Variants in ZNF273 observed in about 807,000 individuals in gnomAD.
ZNF273 encodes the protein zinc finger protein 273.
ZNF273 carries 11 observed loss-of-function variants against 14.9 expected under a neutral mutation model. The observed-to-expected ratio is 0.74, with a 90% CI of 0.46 to 1.22. The LOEUF (loss-of-function observed/expected upper bound fraction) is 1.22. Ranked by LOEUF, ZNF273 falls within the 50% of genes most tolerant of loss-of-function variation. The probability of loss-of-function intolerance (pLI) is 0.00; values close to 1 mark genes in which losing one functional copy is unlikely to be tolerated. For missense variants in ZNF273, 577 were observed against 660.6 expected (o/e 0.87, Z 1.39); for synonymous variants, 199 against 223.9 (o/e 0.89, Z 0.99).
chr7:64,889,262 G>A, downstream of ZNF273: 1 of 985,088 alleles, frequency 1.0e-6, no homozygotes, highest in Non-Finnish European at 1.2e-6. This position sits in a 1 kb window ranked among gnomAD's most constrained non-coding sequence, Gnocchi z 4.2. Flanking sequence ...CCCGCAAAGG[G>A]CCGGGAGGTC....
At chr7:64,925,168 A>G (rs1794712907) in intron 3 of ZNF273, among the ~76,000 whole-genome samples, 3 of 152,074 alleles carry the variant, frequency 2.0e-5, no homozygotes, top group Middle Eastern at 3.4e-3. Flanking sequence ...AGTTAATTAT[A>G]TATATTCAAA....
chr7:64,903,938 G>T (rs1246468772), intron 1 of ZNF273, among the ~76,000 whole-genome samples: 3 of 152,190 alleles, frequency 2.0e-5, no homozygotes, highest in Non-Finnish European at 4.4e-5. Flanking sequence ...CCAATAATTG[G>T]TTAGGTACCG....
exon 2 of ZNF273, chr7:64,888,664 C>T: frequency 1.0e-6 from 1 of 985,740 alleles, no homozygotes; most frequent in South Asian, 4.7e-5. Flanking sequence ...ACCAGGGGGC[C>T]GCGTCTTCGG....
downstream of ZNF273, among the ~76,000 whole-genome samples, chr7:64,931,454 T>A (rs1794990854): frequency 6.6e-6 from 1 of 151,892 alleles, no homozygotes; most frequent in African/African-American, 2.4e-5. Context: ...ACAACAATTA[T>A]TTTTTTTATA....
intron 1 of ZNF273, among the ~76,000 whole-genome samples, chr7:64,913,867 C>T (rs905978645): frequency 6.6e-6 from 1 of 151,954 alleles, no homozygotes; most frequent in Non-Finnish European, 1.5e-5. Context: ...TGGTTATCAG[C>T]TCAGGCTTCT....
rs1037159947 is a variant in ZNF273 at position 64,921,660 on chromosome 7, C to T, written c.325+3368C>T. On this transcript the variant is annotated intron_variant, in intron 3 of 3. Transcript: ENST00000476120. ...TTTGTGTGTGAGACAGAGTCTTGCTCTCTTGCCCAGGCTGGAGTACAATGG... is the reference window on the plus strand; with the variant it reads ...TTTGTGTGTGAGACAGAGTCTTGCTTTCTTGCCCAGGCTGGAGTACAATGG... 9.6e-5 allele frequency among the ~76,000 whole-genome samples: 10 copies of T among 103,852 alleles called. No homozygotes were observed. In the East Asian group the frequency reaches 3.0e-3, roughly 32 times the overall value. The allele number at this position is 103,852 out of a possible 152,430, so 68.1% of individuals were successfully genotyped here. A position where few individuals can be genotyped will look rare whatever the true frequency, so the allele number is the denominator to read the frequency against.
At chr7:64,881,826 C>T (rs1189050733), downstream of ZNF273, among the ~76,000 whole-genome samples, 4 of 152,166 alleles carry the variant, frequency 2.6e-5, no homozygotes, top group Non-Finnish European at 5.9e-5. Flanking sequence ...CAGCCCAAAC[C>T]CTCTAGTTCT....
chr7:64,889,535 C>T (rs1245314042), downstream of ZNF273: 2 of 985,698 alleles, frequency 2.0e-6, no homozygotes, highest in Non-Finnish European at 2.4e-6. This position sits in a 1 kb window ranked among gnomAD's most constrained non-coding sequence, Gnocchi z 4.2. Context: ...CCTGGTGCCA[C>T]GCGGTCCTCT....
At chr7:64,927,568 G>C in intron 3 of ZNF273, 86 bp from the exon 4 acceptor site, 4 of 1,190,518 alleles carry the variant, frequency 3.4e-6, no homozygotes, top group Non-Finnish European at 4.7e-6. Flanking sequence ...TCCTTATGTA[G>C]TTTGTATATT....
In ZNF273 at chr7:64,909,902, T is replaced by C. The variant is rs971498165; in HGVS notation, c.102+6483T>C. 3.9e-5 allele frequency among the ~76,000 whole-genome samples: 6 copies of C among 152,298 alleles called. No individual in the cohort carries two copies. In the East Asian group the frequency reaches 7.7e-4, roughly 20 times the overall value. On this transcript the variant is annotated intron_variant, in intron 1 of 3. Transcript: ENST00000476120. The stretch of plus-strand genomic sequence containing the variant: ...AGCCATTCTGACTGGTATGAGATTG[T>C]ATCTCACTGTGGTTTTTCTTTACGT...
chr7:64,928,597 T>C lies in ZNF273; in HGVS notation c.1269T>C (p.Ile423=), dbSNP rs1384671819. 1.2e-6 allele frequency: 2 copies of C among 1,613,314 alleles called. No homozygotes were observed. The highest frequency in any genetic ancestry group is 2.2e-5 in the East Asian group (1 of 44,854). The change falls in exon 4 of 4, where the codon ATT becomes ATC. Residue 423 remains isoleucine (I), a synonymous_variant. Coordinates refer to ENST00000476120, the MANE Select transcript of ZNF273 (RefSeq NM_021148.3). ...CAACTCTTACTAAACATAAGAGAAT[T>C]TATACTAAAGAGAAACCATACAAAT... is the stretch of plus-strand genomic sequence containing the variant. ...RSTTLTKHKR[I]YTKEKPYKCE... is the part of the protein sequence containing the mutation.
At chr7:64,925,314 A>T (rs1794719514) in intron 3 of ZNF273, among the ~76,000 whole-genome samples, 1 of 151,836 alleles carries the variant, frequency 6.6e-6, no homozygotes, top group Non-Finnish European at 1.5e-5. Context: ...TTTCTTTCTT[A>T]TTTGTGTATC....
At chr7:64,889,433 C>T (rs1791824618), downstream of ZNF273, 1 of 985,796 alleles carries the variant, frequency 1.0e-6, no homozygotes, top group Non-Finnish European at 1.2e-6. This position sits in a 1 kb window ranked among gnomAD's most constrained non-coding sequence, Gnocchi z 4.2. Flanking sequence ...CCTTCCCACT[C>T]GGGCTCGGGT....
chr7:64,910,498 G>A lies in ZNF273; in HGVS notation c.102+7079G>A, dbSNP rs143202427. Reference sequence around the variant, plus strand: ...GTTGTAGGTGTGTGGCATTATTTCTGGGCTCTCTGTCCTGTTGCATTGGTC... The same window carrying A: ...GTTGTAGGTGTGTGGCATTATTTCTAGGCTCTCTGTCCTGTTGCATTGGTC... On this transcript the variant is annotated intron_variant, in intron 1 of 3. Transcript: ENST00000476120. Among the ~76,000 whole-genome samples, 111 of 152,122 alleles carry A rather than the reference G, an allele frequency of 7.3e-4. 1 individual carries two copies. In the East Asian group the frequency reaches 0.012, roughly 17 times the overall value.
upstream of ZNF273, among the ~76,000 whole-genome samples, chr7:64,900,567 T>A (rs1487257711): frequency 6.6e-6 from 1 of 152,160 alleles, no homozygotes; most frequent in Non-Finnish European, 1.5e-5. Flanking sequence ...GTGTTCAACA[T>A]GGAGGCTCCA....
chr7:64,911,407 G>A (rs1480226607), intron 1 of ZNF273, among the ~76,000 whole-genome samples: 2 of 151,888 alleles, frequency 1.3e-5, no homozygotes, highest in Non-Finnish European at 2.9e-5. Context: ...GGGATTACAG[G>A]CATGCGCCAC....
At chr7:64,914,361 AAC>A (rs1491120440) in intron 1 of ZNF273, among the ~76,000 whole-genome samples, 2 of 148,302 alleles carry the variant, frequency 1.3e-5, no homozygotes, top group African/African-American at 2.4e-5. Context: ...AAAAAAAAAA[AAC>A]ACTATTATTA....
downstream of ZNF273, among the ~76,000 whole-genome samples, chr7:64,891,073 G>C (rs1390808868): frequency 1.3e-5 from 2 of 152,222 alleles, no homozygotes; most frequent in African/African-American, 4.8e-5. Flanking sequence ...AGTGGTCCCA[G>C]AAATGAGTCA....
chr7:64,927,041 T>C (rs1794798392), intron 3 of ZNF273, among the ~76,000 whole-genome samples: 1 of 152,200 alleles, frequency 6.6e-6, no homozygotes, highest in Non-Finnish European at 1.5e-5. Context: ...GAAATGAATA[T>C]GTGTGTGCCA....
Sources: gnomAD v4.1 joint callset for allele counts (sites outside exome capture counted in the v4.1 genomes callset) on GRCh38, gnomAD v4.1.1 for gene constraint, Gnocchi (gnomAD v3.1) non-coding constraint, MANE v1.5 for transcripts, NCBI Gene and HGNC (gene_info 2026-07-23, HGNC 2026-07-21) for gene names.